C21orf58: variants seen among roughly 807,000 people sequenced by gnomAD.
C21orf58 encodes the protein chromosome 21 open reading frame 58.
In C21orf58, 34 loss-of-function variants were observed where a neutral mutation model predicts 35.8. The observed-to-expected ratio is 0.95, with a 90% CI of 0.72 to 1.26. The LOEUF is 1.26. Among genes scored for constraint, C21orf58 ranks in the 50% most tolerant of loss-of-function variants. C21orf58 has a pLI of 0.00. For synonymous variants in C21orf58, 191 were observed against 175.8 expected, an observed-to-expected ratio of 1.09 and a Z score of -0.68; for missense variants, 440 against 414.3, an observed-to-expected ratio of 1.06 and a Z score of -0.54.
At chr21:46,317,459 T>C in intron 2 of C21orf58, 191 bp from the exon 3 acceptor site, 1 of 890,112 alleles carries the variant, frequency 1.1e-6, no homozygotes. Flanking sequence ...GCCTGACCTC[T>C]AGCAAATTCA....
chr21:46,317,948 G>A, intron 2 of C21orf58, 64 bp downstream of exon 2: 1 of 1,569,546 alleles, frequency 6.4e-7, no homozygotes, highest in Non-Finnish European at 8.7e-7. Context: ...CTGTCTCGAA[G>A]AGTCCCTCCA....
In C21orf58 at chr21:46,313,363, C is replaced by T. The variant is rs556578345; in HGVS notation, c.609+1353G>A. 1.2e-4 allele frequency among the ~76,000 whole-genome samples: 18 copies of T among 152,328 alleles called. No homozygotes were observed. In the East Asian group the frequency reaches 3.5e-3, roughly 29 times the overall value. On this transcript the variant is annotated intron_variant, in intron 5 of 7. Transcript: ENST00000291691. Reference sequence around the variant, plus strand: ...GAGGCAGGCCAGCTCCGGTCTGAAGCTGTGGTTTGCCCACCCCTGGCACAG... The same window carrying T: ...GAGGCAGGCCAGCTCCGGTCTGAAGTTGTGGTTTGCCCACCCCTGGCACAG...
intron 5 of C21orf58, among the ~76,000 whole-genome samples, chr21:46,314,131 G>GTTTTTTTTTTTTT (rs140166854): frequency 6.9e-6 from 1 of 145,030 alleles, no homozygotes; most frequent in African/African-American, 2.5e-5. Context: ...GCATGATAAA[G>GTTTTTTTTTTTTT]TTTTTTTTTT....
At chr21:46,312,976 A>T in intron 5 of C21orf58, 7 of 985,302 alleles carry the variant, frequency 7.1e-6, no homozygotes, top group Non-Finnish European at 8.4e-6. Flanking sequence ...TTCGAGCATG[A>T]AAGGCCTTCT....
chr21:46,318,707 G>A, intron 1 of C21orf58: 1 of 1,028,108 alleles, frequency 9.7e-7, no homozygotes, highest in Non-Finnish European at 1.2e-6. Flanking sequence ...GAAGGGGTAG[G>A]ACAGAGGAGG....
intron 6 of C21orf58, among the ~76,000 whole-genome samples, chr21:46,309,251 A>G (rs1200130449): frequency 6.6e-6 from 1 of 152,120 alleles, no homozygotes; most frequent in African/African-American, 2.4e-5. Context: ...ATCTGAGGTC[A>G]GGAATTTGAT....
chr21:46,301,090 T>C, downstream of C21orf58: 1 of 1,011,750 alleles, frequency 9.9e-7, no homozygotes, highest in Non-Finnish European at 1.2e-6. Context: ...TCTCCCTTTT[T>C]TTTTTTTATT....
rs776873716 is a variant in C21orf58, at chr21:46,302,524, C to A, written c.774G>T (p.Leu258=). The part of the protein sequence containing the change: ...LQNAQVHQLV[L]QNWMLKALPP... ...GCAGGGCCTTGAGCATCCAGTTCTG[C>A]AGGACCAACTGGTGCACCTGTGCGT... Residue 258 remains leucine, a synonymous_variant, in exon 7 of 8, where the codon CTG becomes CTT. Coordinates refer to ENST00000291691, the MANE Select transcript of C21orf58 (RefSeq NM_058180.5). 1.2e-6 allele frequency: 2 copies of A among 1,612,526 alleles called. No individual in the cohort carries two copies. Among genetic ancestry groups the A allele is most frequent in the East Asian group, 4.5e-5 (2 of 44,832 alleles).
At position 46,302,503 on chromosome 21, in the gene C21orf58, G is replaced by C. The variant is rs746793396; in HGVS notation, c.795C>G (p.Ala265=). Residue 265 remains alanine (A), a synonymous_variant, in exon 7 of 8, where the codon GCC becomes GCG. Transcript: ENST00000291691. The part of the protein sequence containing the change: ...QLVLQNWMLK[A]LPPALQDPPH... ...AGCCTACCTGCAGGGCTGGGGGCAG[G>C]GCCTTGAGCATCCAGTTCTGCAGGA... 1.2e-6 allele frequency: 2 copies of C among 1,611,514 alleles called. No homozygotes were observed. The highest frequency in any genetic ancestry group is 1.7e-6 in the Non-Finnish European group (2 of 1,178,718).
downstream of C21orf58, chr21:46,301,010 C>A: frequency 1.1e-6 from 1 of 930,350 alleles, no homozygotes; most frequent in East Asian, 6.8e-5. Flanking sequence ...CCAGCACTCA[C>A]CTTTGCTTTA....
chr21:46,314,200 C>T (rs960754069), intron 5 of C21orf58, among the ~76,000 whole-genome samples: 5 of 148,948 alleles, frequency 3.4e-5, no homozygotes, highest in African/African-American at 9.8e-5. Context: ...GCCTCAGCCT[C>T]CTGAGTAGCT....
chr21:46,303,268 G>A (rs1020302386), intron 6 of C21orf58, among the ~76,000 whole-genome samples: 1 of 152,120 alleles, frequency 6.6e-6, no homozygotes, highest in Admixed American at 6.5e-5. Flanking sequence ...GAGCCCAGGA[G>A]TTCGAGGCTG....
intron 6 of C21orf58, among the ~76,000 whole-genome samples, chr21:46,305,251 C>T (rs766733867): frequency 6.7e-6 from 1 of 149,620 alleles, no homozygotes; most frequent in Non-Finnish European, 1.5e-5. Context: ...CTACAGTTAA[C>T]GCTACTGAAC....
intron 2 of C21orf58, 123 bp downstream of exon 2, chr21:46,317,889 G>T: frequency 9.2e-7 from 1 of 1,086,116 alleles, no homozygotes; most frequent in Non-Finnish European, 1.3e-6. Flanking sequence ...CCGCTGGGCT[G>T]CCAGCCCCAG....
chr21:46,302,214 C>A (rs1327281326), intron 7 of C21orf58, 60 bp from the exon 8 acceptor site: 16 of 1,433,716 alleles, frequency 1.1e-5, no homozygotes, highest in Middle Eastern at 2.1e-4. Context: ...CCTCCACTCC[C>A]GCCCTGTTCC....
At chr21:46,318,293 C>A (rs1019452047) in intron 1 of C21orf58, 73 bp from the exon 2 acceptor site, 28 of 1,582,080 alleles carry the variant, frequency 1.8e-5, no homozygotes, top group Non-Finnish European at 2.3e-5. Flanking sequence ...GAAGCCAGCG[C>A]TGGGCGCCGC....
intron 6 of C21orf58, among the ~76,000 whole-genome samples, chr21:46,310,214 C>T (rs1376652736): frequency 6.6e-6 from 1 of 151,990 alleles, no homozygotes; most frequent in Non-Finnish European, 1.5e-5. Context: ...TGGTGGCTCA[C>T]ACCTGTAATC....
Position 46,314,805 on chromosome 21 carries a change from G to A in C21orf58, c.520C>T (p.Leu174=). The A allele has an allele frequency of 1.3e-6, 2 of 1,546,520 alleles. No individual in the cohort carries two copies. The highest frequency in any genetic ancestry group is 1.2e-5 in the South Asian group (1 of 83,702). The change falls in exon 5 of 8, where the codon CTG becomes TTG. Residue 174 remains leucine (L), a synonymous_variant. Transcript: ENST00000291691. Reference sequence around the variant, plus strand: ...CCCGTGGGGGGCAGCTCTGGGGGCAGGGCTGACCCGAGGGCTCCTCTGCTT... The same window carrying A: ...CCCGTGGGGGGCAGCTCTGGGGGCAAGGCTGACCCGAGGGCTCCTCTGCTT... ...GPSRGALGSA[L]PPELPPTGIL... is the part of the protein sequence containing the mutation.
In C21orf58 at chr21:46,322,939, C is replaced by A; in HGVS notation, c.-201G>T. 1 of 435,702 alleles carries A rather than the reference C, an allele frequency of 2.3e-6. No individual in the cohort carries two copies. The highest frequency in any genetic ancestry group is 4.1e-6 in the Non-Finnish European group (1 of 245,024). The allele number at this position is 435,702 out of a possible 1,614,324, so 27.0% of individuals were successfully genotyped here. ...CTGCAAACAAGCACACGGCCCTCCA[C>A]GACGAACCTTTTGCAAGTGAAGGCG... On this transcript the variant is annotated 5_prime_UTR_variant, in exon 1 of 8. Coordinates refer to ENST00000291691, the MANE Select transcript of C21orf58 (RefSeq NM_058180.5).
Sources: allele counts gnomAD v4.1 joint callset (sites outside exome capture counted in the v4.1 genomes callset), GRCh38; gene constraint gnomAD v4.1.1; transcripts MANE v1.5; gene names NCBI Gene and HGNC (gene_info 2026-07-23, HGNC 2026-07-21).